Variants in RAPGEF6 observed in about 807,000 individuals in gnomAD.
RAPGEF6 encodes Rap guanine nucleotide exchange factor 6.
A neutral mutation model predicts 171.4 loss-of-function variants in RAPGEF6; 56 were observed. The ratio of observed to expected loss-of-function variants is 0.33; its 90% CI spans 0.26 to 0.41. The LOEUF is 0.41. RAPGEF6 is among the 10% of genes least tolerant of loss of function. RAPGEF6 has a pLI of 1.00. For synonymous variants in RAPGEF6, 692 were observed against 650.1 expected, an observed-to-expected ratio of 1.06 and a Z score of -0.98; for missense variants, 1,674 against 1,921.4, an observed-to-expected ratio of 0.87 and a Z score of 2.41.
At position 131,510,394 on chromosome 5, in the gene RAPGEF6, C is replaced by T. The variant is rs201006948; in HGVS notation, c.725G>A (p.Arg242Gln). Residue 242 changes from arginine (R) to glutamine (Q), a missense_variant, in exon 8 of 28, where the codon CGA becomes CAA. By Grantham distance (43) the Arg-to-Gln change is conservative. This residue lies in a region of RAPGEF6 where 1,116 missense variants were observed against 1,321.5 expected (regional missense o/e 0.84). Transcript: ENST00000509018. ...DDEEEDEEID[R>Q]TDPLQGRDLV... is the part of the protein sequence containing the mutation. ...ATCTCGCCCCTGCAATGGATCTGTTCGATCAATCTCTTCATCTTCCTCTTC... is the reference window on the plus strand; with the variant it reads ...ATCTCGCCCCTGCAATGGATCTGTTTGATCAATCTCTTCATCTTCCTCTTC... 2.0e-5 allele frequency: 33 copies of T among 1,614,128 alleles called. No individual in the cohort carries two copies. Among genetic ancestry groups the T allele is most frequent in the Middle Eastern group, 1.6e-4 (1 of 6,062 alleles).
At chr5:131,593,947 C>T (rs181879680) in intron 3 of RAPGEF6, among the ~76,000 whole-genome samples, 1 of 152,302 alleles carries the variant, frequency 6.6e-6, no homozygotes, top group Admixed American at 6.5e-5. Context: ...GAAAAGAAAA[C>T]CCCATTCTCT....
intron 16 of RAPGEF6, among the ~76,000 whole-genome samples, chr5:131,473,908 C>T (rs1157504446): frequency 6.6e-6 from 1 of 152,104 alleles, no homozygotes; most frequent in Admixed American, 6.5e-5. Context: ...GCTGAAGAGT[C>T]AGAGAAAAGC....
At chr5:131,439,406 C>A (rs1752234683) in intron 24 of RAPGEF6, among the ~76,000 whole-genome samples, 175 bp downstream of exon 24, 1 of 152,130 alleles carries the variant, frequency 6.6e-6, no homozygotes, top group South Asian at 2.1e-4. Flanking sequence ...TTACATGACA[C>A]ATAATATCTA....
chr5:131,494,829 T>C (rs1580915120), intron 13 of RAPGEF6, among the ~76,000 whole-genome samples: 1 of 151,986 alleles, frequency 6.6e-6, no homozygotes, highest in African/African-American at 2.4e-5. Flanking sequence ...AGAGAGACCA[T>C]AAGAAAATAT....
chr5:131,548,127 G>A lies in RAPGEF6; in HGVS notation c.415C>T (p.Arg139Ter). The change falls in exon 6 of 28, where the codon CGA (arginine) becomes TGA (stop). Residue 139 changes from arginine to a stop codon, truncating the protein, a stop_gained. Transcript: ENST00000509018. LOFTEE classifies it high-confidence loss of function. The stretch of plus-strand genomic sequence containing the variant: ...TAGTTAATTTTCCGAAATCTTCTTC[G>A]GGATTGTCTGGCAGGAATTTCTCTT... ...LQREIPARQS[R>*]RRFRKINYKG... 4 of 1,613,772 alleles carry A rather than the reference G, an allele frequency of 2.5e-6. No individual in the cohort carries two copies. Among genetic ancestry groups the A allele is most frequent in the South Asian group, 1.1e-5 (1 of 91,066 alleles).
At chr5:131,585,275 G>A (rs370431864) in intron 4 of RAPGEF6, among the ~76,000 whole-genome samples, 10 of 141,652 alleles carry the variant, frequency 7.1e-5, no homozygotes, top group South Asian at 2.2e-4. Flanking sequence ...TAGAAAATAA[G>A]AAAAAAAAAA....
Position 131,592,383 on chromosome 5 carries a change from C to A in RAPGEF6, c.281G>T (p.Ser94Ile). ...VKGSMVLPPC[S>I]FGKQFGGKRG... ...TGCCATATAGCAAATGTAAACGTAC[C>A]TGCAAGGAGGCAAGACCATGGAGCC... The change falls in exon 4 of 28, where the codon AGT (serine) becomes ATT (isoleucine). Residue 94 changes from serine to isoleucine, a missense_variant and splice_region_variant. By Grantham distance (142) the Ser-to-Ile change is moderately radical. Coordinates refer to ENST00000509018, the MANE Select transcript of RAPGEF6 (RefSeq NM_016340.6). 2 of 1,613,442 alleles carry A rather than the reference C, an allele frequency of 1.2e-6. No homozygotes were observed. Among genetic ancestry groups the A allele is most frequent in the Non-Finnish European group, 1.7e-6 (2 of 1,179,632 alleles).
rs553639942 is a variant in RAPGEF6 at position 131,493,449 on chromosome 5, T to C, written c.1528-664A>G. 1.4e-4 allele frequency among the ~76,000 whole-genome samples: 21 copies of C among 152,332 alleles called. No homozygotes were observed. In the South Asian group the frequency reaches 4.3e-3, roughly 32 times the overall value. The stretch of plus-strand genomic sequence containing the variant: ...GGCTGTTATATAAAACCAGAATCTT[T>C]TAAAACCTTTATTCAAAACCTTGAA... On this transcript the variant is annotated intron_variant, in intron 13 of 27. Transcript: ENST00000509018.
chr5:131,535,410 C>T (rs1179731649), intron 6 of RAPGEF6, among the ~76,000 whole-genome samples: 2 of 152,034 alleles, frequency 1.3e-5, no homozygotes, highest in Non-Finnish European at 1.5e-5. Context: ...ACCTATTTTT[C>T]CCTTGCATCA....
intron 19 of RAPGEF6, among the ~76,000 whole-genome samples, 192 bp downstream of exon 19, chr5:131,461,512 AG>A (rs1753934537): frequency 1.3e-5 from 2 of 152,354 alleles, no homozygotes; most frequent in East Asian, 3.9e-4. Context: ...AAGAAGTAAA[AG>A]AAAGATGGAA....
chr5:131,590,351 C>T (rs146509863), intron 4 of RAPGEF6, among the ~76,000 whole-genome samples: 269 of 152,316 alleles, frequency 1.8e-3, no homozygotes, highest in Non-Finnish European at 3.1e-3. Context: ...GAGCCAAGAT[C>T]ATGCCACTGC....
intron 4 of RAPGEF6, among the ~76,000 whole-genome samples, chr5:131,574,352 G>A (rs113256681): frequency 0.065 from 9,952 of 152,100 alleles, 790 homozygotes; most frequent in African/African-American, 0.19. Flanking sequence ...CTGCCCGATC[G>A]CCTTGGAAGA....
chr5:131,551,955 C>T (rs1244733606), intron 5 of RAPGEF6, among the ~76,000 whole-genome samples: 2 of 151,934 alleles, frequency 1.3e-5, no homozygotes, highest in Non-Finnish European at 2.9e-5. Context: ...AAACCACAAA[C>T]ACAACTGAAA....
intron 24 of RAPGEF6, among the ~76,000 whole-genome samples, chr5:131,433,937 A>C (rs1369624982): frequency 6.6e-6 from 1 of 152,226 alleles, no homozygotes; most frequent in Non-Finnish European, 1.5e-5. Context: ...TTAAAGGTAT[A>C]TCTTTCTCAG....
intron 6 of RAPGEF6, among the ~76,000 whole-genome samples, chr5:131,547,141 T>C (rs1330143700): frequency 6.6e-6 from 1 of 152,222 alleles, no homozygotes; most frequent in Non-Finnish European, 1.5e-5. Flanking sequence ...TAGAGCTGCC[T>C]TAATTCTAAC....
chr5:131,446,851 T>A, intron 21 of RAPGEF6, 148 bp from the exon 22 acceptor site: 2 of 726,390 alleles, frequency 2.8e-6, no homozygotes, highest in Non-Finnish European at 4.4e-6. Context: ...CAAAGTAATT[T>A]GGCACATATG....
intron 6 of RAPGEF6, among the ~76,000 whole-genome samples, chr5:131,529,497 C>A (rs1407965031): frequency 1.3e-5 from 2 of 148,966 alleles, no homozygotes; most frequent in South Asian, 2.1e-4. Flanking sequence ...AATAATCTCA[C>A]AACTGAAGAC....
rs963617788 is a variant in RAPGEF6, at chr5:131,593,996, A to T, written c.198-1530T>A. Among the ~76,000 whole-genome samples, 820 of 152,346 alleles carry T rather than the reference A, an allele frequency of 5.4e-3. 13 individuals are homozygous for T. Among genetic ancestry groups the T allele is most frequent in the African/African-American group, 0.019 (794 of 41,580 alleles). On this transcript the variant is annotated intron_variant, in intron 3 of 27. Coordinates refer to ENST00000509018, the MANE Select transcript of RAPGEF6 (RefSeq NM_016340.6). ...AGCCCGCTGCAGAAATGTGCACAAA[A>T]GGAGCCAAATGTTAATAGCCAACAC...
chr5:131,521,366 G>A, intron 7 of RAPGEF6, 24 bp downstream of exon 7: 4 of 1,568,766 alleles, frequency 2.5e-6, no homozygotes, highest in Non-Finnish European at 3.4e-6. Flanking sequence ...CATATACGCA[G>A]CATACAAATT....
Sources: gnomAD v4.1 joint callset for allele counts (sites outside exome capture counted in the v4.1 genomes callset) on GRCh38, gnomAD v4.1.1 for gene constraint, gnomAD v4.1.1 regional missense constraint, MANE v1.5 for transcripts, NCBI Gene and HGNC (gene_info 2026-07-23, HGNC 2026-07-21) for gene names.